Variants in MAP2 observed in about 807,000 individuals in gnomAD.
The protein encoded by MAP2 is microtubule associated protein 2.
MAP2 carries 14 observed loss-of-function variants against 137.6 expected under a neutral mutation model. That is an observed-to-expected ratio of 0.10 (90% CI 0.07 to 0.16). The LOEUF is 0.16. MAP2 is among the 10% of genes least tolerant of loss of function. MAP2 has a pLI of 1.00. For synonymous variants in MAP2, 786 were observed against 782.3 expected (o/e 1.00, Z -0.08); for missense variants, 2,088 against 2,191.5 (o/e 0.95, Z 0.94).
At chr2:209,526,854 A>G (rs532442727) in intron 2 of MAP2, among the ~76,000 whole-genome samples, 1 of 152,034 alleles carries the variant, frequency 6.6e-6, no homozygotes, top group East Asian at 1.9e-4. Flanking sequence ...AAGATGTACA[A>G]ATGTCTTTCC....
chr2:209,453,500 C>A (rs188422719), intron 1 of MAP2, among the ~76,000 whole-genome samples: 3 of 152,012 alleles, frequency 2.0e-5, no homozygotes, highest in Admixed American at 2.0e-4. Context: ...TGCAACATAA[C>A]GACTTAAAAG....
At chr2:209,725,180 AT>A (rs1389962723) in intron 13 of MAP2, among the ~76,000 whole-genome samples, 10 of 152,232 alleles carry the variant, frequency 6.6e-5, no homozygotes, top group Non-Finnish European at 1.5e-4. Flanking sequence ...ACCTGTTACT[AT>A]CATTTTATAA....
chr2:209,433,296 G>A (rs981589269), intron 1 of MAP2, among the ~76,000 whole-genome samples: 2 of 152,116 alleles, frequency 1.3e-5, no homozygotes, highest in African/African-American at 4.8e-5. Context: ...TTGGAGGCAT[G>A]AGTGATGAGA....
chr2:209,674,722 A>G (rs1236123219), intron 5 of MAP2, among the ~76,000 whole-genome samples: 3 of 151,852 alleles, frequency 2.0e-5, no homozygotes, highest in Admixed American at 1.3e-4. Context: ...CACACACATC[A>G]TAATCATTAC....
At chr2:209,626,935 A>G (rs1559438151) in intron 4 of MAP2, among the ~76,000 whole-genome samples, 1 of 152,170 alleles carries the variant, frequency 6.6e-6, no homozygotes, top group African/African-American at 2.4e-5. Context: ...ATGTATAAGG[A>G]ATTCAAAGTT....
intron 2 of MAP2, among the ~76,000 whole-genome samples, chr2:209,529,597 C>T (rs535588088): frequency 6.6e-6 from 1 of 152,168 alleles, no homozygotes; most frequent in African/African-American, 2.4e-5. Flanking sequence ...GACACCAGGT[C>T]TCCTAAAATC....
intron 4 of MAP2, among the ~76,000 whole-genome samples, chr2:209,650,774 C>A (rs1043324621): frequency 1.3e-5 from 2 of 152,126 alleles, no homozygotes; most frequent in African/African-American, 2.4e-5. Flanking sequence ...TCTATAGTAT[C>A]TGCTTAATAT....
intron 2 of MAP2, among the ~76,000 whole-genome samples, chr2:209,563,630 C>T (rs1488743896): frequency 6.6e-6 from 1 of 152,136 alleles, no homozygotes; most frequent in African/African-American, 2.4e-5. Flanking sequence ...GCTGGAATTT[C>T]CAAGCTCTGG....
At chr2:209,517,787 G>A (rs933493632) in intron 2 of MAP2, among the ~76,000 whole-genome samples, 1 of 151,782 alleles carries the variant, frequency 6.6e-6, no homozygotes, top group Admixed American at 6.6e-5. Context: ...AGCAGATGGG[G>A]GAAGAAGTAT....
intron 1 of MAP2, among the ~76,000 whole-genome samples, chr2:209,479,157 C>T (rs528189022): frequency 6.6e-6 from 1 of 152,086 alleles, no homozygotes; most frequent in South Asian, 2.1e-4. Context: ...TATTTTCTAC[C>T]ATGGAAAATA....
At chr2:209,515,622 C>T (rs1228240159) in intron 2 of MAP2, among the ~76,000 whole-genome samples, 1 of 152,084 alleles carries the variant, frequency 6.6e-6, no homozygotes, top group Non-Finnish European at 1.5e-5. Context: ...AATGACCTCC[C>T]ACCTGGTCCC....
intron 1 of MAP2, among the ~76,000 whole-genome samples, chr2:209,503,631 C>A (rs2060667180): frequency 6.6e-6 from 1 of 151,842 alleles, no homozygotes; most frequent in African/African-American, 2.4e-5. Flanking sequence ...CATGTAGTAC[C>A]CAGTTTACCT....
chr2:209,443,571 G>T (rs372146485), intron 1 of MAP2, among the ~76,000 whole-genome samples: 2 of 290 alleles, frequency 6.9e-3, no homozygotes, highest in African/African-American at 0.12. Flanking sequence ...TCTCTTCAAC[G>T]ACCCACTCCC....
At chr2:209,429,605 A>C (rs1479879815) in intron 1 of MAP2, among the ~76,000 whole-genome samples, 1 of 152,166 alleles carries the variant, frequency 6.6e-6, no homozygotes, top group African/African-American at 2.4e-5. Context: ...CTACCTCAAA[A>C]ATGACCATAA....
chr2:209,481,937 G>A (rs1428543816), intron 1 of MAP2, among the ~76,000 whole-genome samples: 1 of 152,176 alleles, frequency 6.6e-6, no homozygotes, highest in Non-Finnish European at 1.5e-5. Flanking sequence ...TTATTTGTGA[G>A]TTAAAATACA....
chr2:209,548,959 T>C (rs531088559), intron 2 of MAP2, among the ~76,000 whole-genome samples: 7 of 152,334 alleles, frequency 4.6e-5, no homozygotes, highest in East Asian at 1.9e-4. Context: ...CAGTTCTTTA[T>C]AGCAGTGTAA....
chr2:209,667,557 A>G (rs1040890923), intron 5 of MAP2, among the ~76,000 whole-genome samples: 14 of 152,034 alleles, frequency 9.2e-5, no homozygotes, highest in Admixed American at 2.0e-4. Context: ...ATTTTGAAAA[A>G]CAAAGGTACA....
intron 4 of MAP2, among the ~76,000 whole-genome samples, chr2:209,651,680 A>G (rs1317223596): frequency 6.6e-6 from 1 of 151,928 alleles, no homozygotes; most frequent in Non-Finnish European, 1.5e-5. Flanking sequence ...AAATTTTTAC[A>G]TCCTGTTTAA....
intron 13 of MAP2, among the ~76,000 whole-genome samples, chr2:209,714,355 G>A (rs560220579): frequency 1.3e-5 from 2 of 152,338 alleles, no homozygotes; most frequent in Admixed American, 6.5e-5. Context: ...GCAAGGCCAT[G>A]TCTGTGGATC....
Sources: allele counts gnomAD v4.1 joint callset (sites outside exome capture counted in the v4.1 genomes callset), GRCh38; gene constraint gnomAD v4.1.1; transcripts MANE v1.5; gene names NCBI Gene and HGNC (gene_info 2026-07-23, HGNC 2026-07-21).